Variants in NAA11 observed in about 807,000 individuals in gnomAD.
The protein encoded by NAA11 is N-alpha-acetyltransferase 11, NatA catalytic subunit, also known as N-alpha-acetyltransferase 11.
In NAA11, 15 loss-of-function variants were observed where a neutral mutation model predicts 16.1. The ratio of observed to expected loss-of-function variants is 0.93; its 90% CI spans 0.62 to 1.44. The LOEUF is 1.44. NAA11 is among the 40% of genes most tolerant of loss of function. NAA11 has a pLI of 0.00. For missense variants in NAA11, 298 were observed against 291.3 expected, an observed-to-expected ratio of 1.02 and a Z score of -0.17; for synonymous variants, 122 against 112.4, an observed-to-expected ratio of 1.09 and a Z score of -0.54.
chr4:79,176,637 C>A, the NAA11 span, among the ~76,000 whole-genome samples: 2 of 152,108 alleles, frequency 1.3e-5, no homozygotes, highest in Non-Finnish European at 2.9e-5. Flanking sequence ...CAAAACACAC[C>A]TACACAGAAA....
intron 2 of NAA11, among the ~76,000 whole-genome samples, chr4:79,230,349 C>T (rs575262978): frequency 6.6e-6 from 1 of 151,948 alleles, no homozygotes; most frequent in East Asian, 1.9e-4. Context: ...GGGTGCAGCA[C>T]ACCAGCATGG....
intron 1 of NAA11, among the ~76,000 whole-genome samples, chr4:79,318,770 A>G (rs1190125466): frequency 6.6e-6 from 1 of 152,232 alleles, no homozygotes; most frequent in African/African-American, 2.4e-5. Flanking sequence ...GAAGTTATAT[A>G]GCTGTTTTAG....
chr4:79,284,489 A>G (rs1722865044), intron 2 of NAA11, among the ~76,000 whole-genome samples: 1 of 152,118 alleles, frequency 6.6e-6, no homozygotes, highest in Admixed American at 6.6e-5. Context: ...TATTTTTAAA[A>G]AATCTACCAT....
chr4:79,289,960 A>G (rs1190662680), intron 2 of NAA11, among the ~76,000 whole-genome samples: 1 of 152,124 alleles, frequency 6.6e-6, no homozygotes, highest in African/African-American at 2.4e-5. Context: ...CTCAGTGCAT[A>G]TGGCTCTTTG....
the NAA11 span, among the ~76,000 whole-genome samples, chr4:79,216,868 T>C: frequency 6.6e-6 from 1 of 152,194 alleles, no homozygotes; most frequent in African/African-American, 2.4e-5. Context: ...ACAAGGCCTC[T>C]ATTAACATGT....
At chr4:79,217,886 A>G in the NAA11 span, among the ~76,000 whole-genome samples, 1 of 152,178 alleles carries the variant, frequency 6.6e-6, no homozygotes, top group Non-Finnish European at 1.5e-5. Flanking sequence ...GAGAAGAGGA[A>G]GAAACAAAGG....
At chr4:79,195,288 A>G in the NAA11 span, among the ~76,000 whole-genome samples, 2 of 152,134 alleles carry the variant, frequency 1.3e-5, no homozygotes, top group Admixed American at 6.5e-5. Context: ...CTCACTTAGC[A>G]TGGGGCTGAG....
In NAA11 at chr4:79,269,855, A is replaced by G. The variant is rs1484551398; in HGVS notation, c.*122+24150T>C. 2.0e-5 allele frequency among the ~76,000 whole-genome samples: 3 copies of G among 149,736 alleles called. No homozygotes were observed. The East Asian group carries it at 6.0e-4, about 30-fold the overall frequency. ...TTTTAGGTCTAACGTTTAAATCTTTAATCCATCTTGAATTGATTTTTGTAT... is the reference window on the plus strand; with the variant it reads ...TTTTAGGTCTAACGTTTAAATCTTTGATCCATCTTGAATTGATTTTTGTAT... On this transcript the variant is annotated intron_variant and NMD_transcript_variant, in intron 2 of 2. Transcript: ENST00000511542.
At chr4:79,216,833 T>C in the NAA11 span, among the ~76,000 whole-genome samples, 1 of 152,100 alleles carries the variant, frequency 6.6e-6, no homozygotes, top group Non-Finnish European at 1.5e-5. Context: ...CAAGCCAGTA[T>C]TGATGGAATA....
intron 2 of NAA11, among the ~76,000 whole-genome samples, chr4:79,234,433 C>A (rs1009764532): frequency 6.6e-6 from 1 of 152,116 alleles, no homozygotes; most frequent in African/African-American, 2.4e-5. Flanking sequence ...ACTATCAGGG[C>A]ATATGGTCTA....
chr4:79,193,607 C>G, the NAA11 span, among the ~76,000 whole-genome samples: 1 of 152,204 alleles, frequency 6.6e-6, no homozygotes, highest in African/African-American at 2.4e-5. Context: ...GTACCAGTAC[C>G]ATGCTGTTTT....
In NAA11 at chr4:79,247,592, C is replaced by T. The variant is rs12506800; in HGVS notation, c.*123-21322G>A. On this transcript the variant is annotated intron_variant and NMD_transcript_variant, in intron 2 of 2. Coordinates refer to the NAA11 transcript ENST00000511542. ...ATACAGCCAGGAGGAACATCTGCCA[C>T]CAAGTGACCAGAACATCAGTAAGAC... 5.8e-3 allele frequency among the ~76,000 whole-genome samples: 882 copies of T among 152,158 alleles called. 27 individuals carry two copies. Among genetic ancestry groups the T allele is most frequent in the Admixed American group, 0.05 (770 of 15,294 alleles).
chr4:79,276,418 A>G (rs190824433), intron 2 of NAA11, among the ~76,000 whole-genome samples: 4 of 152,208 alleles, frequency 2.6e-5, no homozygotes, highest in Admixed American at 2.6e-4. Flanking sequence ...TCTCTCTGCT[A>G]TATCCCGAAG....
intron 2 of NAA11, among the ~76,000 whole-genome samples, chr4:79,263,771 C>A (rs1578168740): frequency 6.6e-6 from 1 of 152,114 alleles, no homozygotes; most frequent in Non-Finnish European, 1.5e-5. Context: ...TATACTCTCA[C>A]TTTTCTAGAC....
At chr4:79,211,448 C>T in the NAA11 span, among the ~76,000 whole-genome samples, 2 of 152,092 alleles carry the variant, frequency 1.3e-5, no homozygotes, top group Non-Finnish European at 2.9e-5. Context: ...TAGAGATATT[C>T]TGGCACTGGG....
intron 1 of NAA11, among the ~76,000 whole-genome samples, chr4:79,298,080 A>G (rs567567797): frequency 2.0e-5 from 3 of 152,220 alleles, no homozygotes; most frequent in Non-Finnish European, 4.4e-5. Flanking sequence ...GGAGCTGAAC[A>G]CTTGTTGGGA....
At chr4:79,177,173 C>A in the NAA11 span, among the ~76,000 whole-genome samples, 1 of 149,886 alleles carries the variant, frequency 6.7e-6, no homozygotes, top group Admixed American at 6.6e-5. Context: ...TTTTTTTTAC[C>A]AAGGCAGTGT....
At chr4:79,219,075 A>G in the NAA11 span, among the ~76,000 whole-genome samples, 1 of 152,158 alleles carries the variant, frequency 6.6e-6, no homozygotes, top group Non-Finnish European at 1.5e-5. Context: ...ATGCCCTTTT[A>G]CTTTTTTAAG....
In NAA11 at chr4:79,240,504, A is replaced by G. The variant is rs144475787; in HGVS notation, c.*123-14234T>C. ...GGCAATGTTCTTCTCAAAATATCACATAATACCCTACTCACAGAATTTTTG... is the reference window on the plus strand; with the variant it reads ...GGCAATGTTCTTCTCAAAATATCACGTAATACCCTACTCACAGAATTTTTG... On this transcript the variant is annotated intron_variant and NMD_transcript_variant, in intron 2 of 2. Transcript: ENST00000511542. 2.0e-5 allele frequency among the ~76,000 whole-genome samples: 3 copies of G among 152,308 alleles called. No homozygotes were observed. In the East Asian group the frequency reaches 5.8e-4, roughly 29 times the overall value.
Sources: gnomAD v4.1 joint callset for allele counts (sites outside exome capture counted in the v4.1 genomes callset) on GRCh38, gnomAD v4.1.1 for gene constraint, MANE v1.5 for transcripts, NCBI Gene and HGNC (gene_info 2026-07-23, HGNC 2026-07-21) for gene names.